GPR35: variants seen among roughly 807,000 people sequenced by gnomAD.
The protein encoded by GPR35 is G protein-coupled receptor 35, also known as KYNA receptor.
For synonymous variants in GPR35, 207 were observed against 198.4 expected, an observed-to-expected ratio of 1.04 and a Z score of -0.36; for missense variants, 372 against 422.5, an observed-to-expected ratio of 0.88 and a Z score of 1.05.
intron 2 of GPR35, among the ~76,000 whole-genome samples, chr2:240,608,969 G>C (rs1018977161): frequency 2.6e-5 from 4 of 152,170 alleles, no homozygotes; most frequent in African/African-American, 9.7e-5. Context: ...GTGACTTTCA[G>C]TAGATGTTTT....
At chr2:240,617,904 A>G (rs932179873) in intron 4 of GPR35, among the ~76,000 whole-genome samples, 3 of 152,208 alleles carry the variant, frequency 2.0e-5, no homozygotes, top group African/African-American at 4.8e-5. Context: ...CCAGAATTAC[A>G]TTAGACATTT....
At chr2:240,621,248 C>CTTAT (rs58540256), upstream of GPR35, among the ~76,000 whole-genome samples, 38,237 of 151,418 alleles carry the variant, frequency 0.25, 5,257 homozygotes, top group East Asian at 0.54. Context: ...TGTTTTATTT[C>CTTAT]TTATTTATTT....
At position 240,630,508 on chromosome 2, in the gene GPR35, G is replaced by A. The variant is rs146267919; in HGVS notation, c.556G>A (p.Val186Met). 55 of 1,612,822 alleles carry A rather than the reference G, an allele frequency of 3.4e-5. No individual in the cohort carries two copies. Among genetic ancestry groups the A allele is most frequent in the East Asian group, 4.5e-5 (2 of 44,878 alleles). ...PLLGFYLPLAVVVFCSLKVVT... is the reference protein window; with the variant it reads ...PLLGFYLPLAMVVFCSLKVVT... ...GCTGGGATTCTACCTGCCCCTGGCC[G>A]TGGTGGTCTTCTGCTCCCTGAAGGT... The change falls in exon 2 of 2, where the codon GTG (valine) becomes ATG (methionine). Residue 186 changes from valine (V) to methionine (M), a missense_variant. By Grantham distance (21) the Val-to-Met change is conservative. Coordinates refer to ENST00000407714, the MANE Select transcript of GPR35 (RefSeq NM_005301.5).
At chr2:240,612,310 T>C (rs3957321) in intron 2 of GPR35, among the ~76,000 whole-genome samples, 93,125 of 150,656 alleles carry the variant, frequency 0.62, 28,849 homozygotes, top group East Asian at 0.66. Flanking sequence ...GCCTGTAGTC[T>C]CAGCTACTCG....
rs529812911 is a variant in GPR35 at position 240,606,809 on chromosome 2, A to AG, written c.-577+198dup. Among the ~76,000 whole-genome samples, 8 of 152,320 alleles carry AG rather than the reference A, an allele frequency of 5.3e-5. No individual in the cohort carries two copies. In the East Asian group the frequency reaches 1.5e-3, roughly 29 times the overall value. On this transcript the variant is annotated intron_variant, in intron 2 of 5. Coordinates refer to the GPR35 transcript ENST00000319838. ...GGCAAGAGCTGAGGCTGGAGATGTA[A>AG]GCAGGGGCCTTAAGTGTTGTTTAAG... is the stretch of plus-strand genomic sequence containing the variant.
intron 2 of GPR35, among the ~76,000 whole-genome samples, chr2:240,609,192 T>C (rs773952628): frequency 8.5e-5 from 13 of 152,060 alleles, no homozygotes; most frequent in Non-Finnish European, 1.3e-4. Context: ...TTGATTTTCG[T>C]TTTTTTCTGC....
upstream of GPR35, among the ~76,000 whole-genome samples, chr2:240,621,108 C>A (rs572416845): frequency 6.6e-6 from 1 of 152,222 alleles, no homozygotes; most frequent in Non-Finnish European, 1.5e-5. Context: ...GGGTCCACAA[C>A]TGAGCCCCCA....
chr2:240,616,859 C>T (rs1031422962), intron 3 of GPR35: 8 of 718,054 alleles, frequency 1.1e-5, no homozygotes, highest in Non-Finnish European at 2.1e-5. Flanking sequence ...TAGCCAGATG[C>T]CATGCTGTGT....
At chr2:240,606,823 GTGT>G (rs1407923096) in intron 2 of GPR35, among the ~76,000 whole-genome samples, 1 of 152,238 alleles carries the variant, frequency 6.6e-6, no homozygotes. Context: ...GGGGCCTTAA[GTGT>G]TGTTTAAGGA....
At chr2:240,612,266 T>TA (rs1391236481) in intron 2 of GPR35, among the ~76,000 whole-genome samples, 21 of 143,256 alleles carry the variant, frequency 1.5e-4, no homozygotes, top group Admixed American at 4.8e-4. Flanking sequence ...CCGTCTCTAC[T>TA]AAAAAAAAAA....
At position 240,630,867 on chromosome 2, in the gene GPR35, C is replaced by T. The variant is rs142918765; in HGVS notation, c.915C>T (p.Cys305=). The change falls in exon 2 of 2, where the codon TGC becomes TGT. Residue 305 remains cysteine (C), a synonymous_variant. Transcript: ENST00000407714. ...AKAHKSQDSL[C]VTLA The stretch of plus-strand genomic sequence containing the variant: ...CCCACAAAAGCCAGGACTCTCTGTG[C>T]GTGACCCTCGCCTAAGAGGCGTGCT... The T allele has an allele frequency of 0.011, 18,111 of 1,611,984 alleles. 187 individuals carry two copies. Among genetic ancestry groups the T allele is most frequent in the South Asian group, 0.034 (3,131 of 91,064 alleles).
chr2:240,616,278 G>T, intron 2 of GPR35: 1 of 639,992 alleles, frequency 1.6e-6, no homozygotes, highest in East Asian at 2.6e-5. Flanking sequence ...TCCCAACCTC[G>T]ACAGCAGTGG....
chr2:240,615,446 A>C (rs1052536893), intron 2 of GPR35, among the ~76,000 whole-genome samples: 1 of 152,262 alleles, frequency 6.6e-6, no homozygotes, highest in African/African-American at 2.4e-5. Context: ...TTTTCTACAG[A>C]CTAGCAGTGG....
At chr2:240,626,222 T>C (rs62186539) in intron 1 of GPR35, among the ~76,000 whole-genome samples, 7 of 7,514 alleles carry the variant, frequency 9.3e-4, no homozygotes, top group African/African-American at 2.5e-3. Flanking sequence ...GGTCTCAGAG[T>C]GGGGTGAGGC....
intron 1 of GPR35, among the ~76,000 whole-genome samples, chr2:240,605,732 G>A (rs116188109): frequency 1.3e-4 from 20 of 152,324 alleles, no homozygotes; most frequent in African/African-American, 3.6e-4. Context: ...CGCCTTGCTC[G>A]CTGTCCCTTG....
At chr2:240,607,287 A>T (rs1386060186) in intron 2 of GPR35, 1 of 151,642 alleles carries the variant, frequency 6.6e-6, no homozygotes, top group African/African-American at 2.4e-5. Flanking sequence ...GGCTCAGGTG[A>T]TTCTCCCACC....
At chr2:240,620,232 G>C (rs984812289) in intron 5 of GPR35, among the ~76,000 whole-genome samples, 27 of 152,318 alleles carry the variant, frequency 1.8e-4, no homozygotes, top group African/African-American at 6.5e-4. Context: ...AGCTGGCGGG[G>C]GTGGCCCAGG....
intron 1 of GPR35, 54 bp downstream of exon 1, chr2:240,625,622 G>A: frequency 9.2e-6 from 8 of 873,048 alleles, no homozygotes; most frequent in Non-Finnish European, 1.1e-5. Context: ...GGCATGGTGG[G>A]GGTCTCAGAG....
upstream of GPR35, among the ~76,000 whole-genome samples, chr2:240,624,154 C>T (rs909333544): frequency 6.6e-5 from 10 of 152,082 alleles, no homozygotes; most frequent in Non-Finnish European, 1.3e-4. Flanking sequence ...TGACGGCGGC[C>T]GGGCTTGGAC....
Sources: allele counts gnomAD v4.1 joint callset (sites outside exome capture counted in the v4.1 genomes callset), GRCh38; gene constraint gnomAD v4.1.1; transcripts MANE v1.5; gene names NCBI Gene and HGNC (gene_info 2026-07-23, HGNC 2026-07-21).